FSIP2: variants seen among roughly 807,000 people sequenced by gnomAD.
FSIP2 encodes the protein fibrous sheath interacting protein 2.
A neutral mutation model predicts 510.5 loss-of-function variants in FSIP2; 367 were observed. The ratio of observed to expected loss-of-function variants is 0.72; its 90% CI spans 0.66 to 0.78. FSIP2 has a LOEUF of 0.78. Among genes scored for constraint, FSIP2 ranks in the 30% least tolerant of loss-of-function variants. FSIP2 has a pLI of 0.00. For synonymous variants in FSIP2, 2,601 were observed against 2,732.2 expected, an observed-to-expected ratio of 0.95 and a Z score of 1.50; for missense variants, 7,594 against 7,901.7, an observed-to-expected ratio of 0.96 and a Z score of 1.48.
rs1431534696 is a variant in FSIP2, at chr2:185,808,001, T to G, written c.18695T>G (p.Val6232Gly). The change falls in exon 17 of 23, where the codon GTA becomes GGA. Residue 6232 changes from valine to glycine, a missense_variant. Physicochemically the swap from Val to Gly is moderately radical, Grantham distance 109 (BLOSUM62 -3). Transcript: ENST00000424728. ...EFISKSKIKL[V>G]PPTKESPTVP... ...ATCTCCAAAAGTAAGATTAAACTTG[T>G]ACCACCCACCAAGGAATCACCTACT... 9.9e-6 allele frequency: 16 copies of G among 1,610,944 alleles called. No individual in the cohort carries two copies. The highest frequency in any genetic ancestry group is 1.4e-5 in the Non-Finnish European group (16 of 1,178,140).
chr2:185,806,796 A>G lies in FSIP2; in HGVS notation c.17490A>G (p.Lys5830=), dbSNP rs1396504347. The G allele has an allele frequency of 5.0e-6, 8 of 1,611,664 alleles. No individual in the cohort carries two copies. The highest frequency in any genetic ancestry group is 1.7e-5 in the Admixed American group (1 of 59,740). ...CCAAACTCTATGACACTGCTATGAA[A>G]CTCATCAATTCACTGTTAAAGGAGT... is the stretch of plus-strand genomic sequence containing the variant. ...NQAKLYDTAM[K]LINSLLKEFS... Residue 5830 remains lysine (K), a synonymous_variant, in exon 17 of 23, where the codon AAA becomes AAG. Transcript: ENST00000424728.
At chr2:185,762,289 G>C (rs4667053) in intron 11 of FSIP2, among the ~76,000 whole-genome samples, 146,817 of 151,264 alleles carry the variant, frequency 0.97, 71,326 homozygotes, top group Middle Eastern at 1. Context: ...CGCTGGCATA[G>C]TGGCTTCAGG....
intron 18 of FSIP2, 22 bp from the exon 19 acceptor site, chr2:185,815,349 T>C (rs1159304372): frequency 3.9e-6 from 4 of 1,029,270 alleles, no homozygotes; most frequent in Non-Finnish European, 6.0e-6. Flanking sequence ...TTTAGTGTAA[T>C]AGCTGATTTG....
intron 9 of FSIP2, among the ~76,000 whole-genome samples, chr2:185,757,240 T>C (rs1290411835): frequency 6.6e-6 from 1 of 151,476 alleles, no homozygotes; most frequent in Non-Finnish European, 1.5e-5. Context: ...AGGCTGATCT[T>C]ACTGTTGTCA....
At chr2:185,820,071 T>C (rs1693886609) in intron 19 of FSIP2, among the ~76,000 whole-genome samples, 1 of 151,944 alleles carries the variant, frequency 6.6e-6, no homozygotes, top group African/African-American at 2.4e-5. Flanking sequence ...ATGGTTTGGC[T>C]ATGTCCCCAC....
chr2:185,751,082 A>T (rs1015095861), intron 7 of FSIP2, among the ~76,000 whole-genome samples: 1 of 151,566 alleles, frequency 6.6e-6, no homozygotes, highest in Non-Finnish European at 1.5e-5. Context: ...GTATTTTATA[A>T]CTGTTCTCTA....
rs1693259928 is a variant in FSIP2, at chr2:185,795,884, T to G, written c.8748T>G (p.Phe2916Leu). 1.3e-6 allele frequency: 2 copies of G among 1,533,388 alleles called. No individual in the cohort carries two copies. Among genetic ancestry groups the G allele is most frequent in the East Asian group, 2.4e-5 (1 of 40,840 alleles). The allele number at this position is 1,533,388 out of a possible 1,614,324, so 95.0% of individuals were successfully genotyped here. A position where few individuals can be genotyped will look rare whatever the true frequency, so the allele number is the denominator to read the frequency against. The change falls in exon 16 of 23, where the codon TTT becomes TTG. Residue 2916 changes from phenylalanine (F) to leucine (L), a missense_variant. Physicochemically the swap from Phe to Leu is conservative, Grantham distance 22. Coordinates refer to ENST00000424728, the MANE Select transcript of FSIP2 (RefSeq NM_173651.4). ...AEDTKAQINMFGREIVEMLLE... is the reference protein window; with the variant it reads ...AEDTKAQINMLGREIVEMLLE... ...ATACTAAAGCACAAATTAATATGTT[T>G]GGAAGGGAAATTGTTGAAATGCTAC...
chr2:185,786,817 C>A (rs1016733347), intron 15 of FSIP2, among the ~76,000 whole-genome samples: 13 of 151,854 alleles, frequency 8.6e-5, no homozygotes, highest in African/African-American at 3.1e-4. Context: ...ATTTGAGGAA[C>A]AACACATGCT....
At chr2:185,737,240 A>G (rs1458456356), upstream of FSIP2, among the ~76,000 whole-genome samples, 1 of 152,208 alleles carries the variant, frequency 6.6e-6, no homozygotes, top group African/African-American at 2.4e-5. Flanking sequence ...ATTTGTGGTA[A>G]TTTAAGCCAC....
chr2:185,789,586 G>GTGA lies in FSIP2; in HGVS notation c.2452_2454dup (p.Asp818dup). 3 of 1,534,830 alleles carry GTGA rather than the reference G, an allele frequency of 2.0e-6. No homozygotes were observed. Among genetic ancestry groups the GTGA allele is most frequent in the Non-Finnish European group, 2.6e-6 (3 of 1,145,880 alleles). On this transcript the variant is annotated inframe_insertion, in exon 16 of 23. Transcript: ENST00000424728. ...ATGCCTCATACTTTGGACCCAATGT[G>GTGA]TGATATTGCAGAGGACATGGTGCAT...
intron 2 of FSIP2, among the ~76,000 whole-genome samples, chr2:185,739,916 C>T (rs1415298559): frequency 6.6e-6 from 1 of 151,064 alleles, no homozygotes; most frequent in Non-Finnish European, 1.5e-5. Context: ...CTATTTTACA[C>T]ATAAAGAAAA....
At position 185,808,933 on chromosome 2, in the gene FSIP2, G is replaced by T; in HGVS notation, c.19627G>T (p.Val6543Phe). 6.2e-7 allele frequency: 1 copy of T among 1,607,812 alleles called. No homozygotes were observed. Among genetic ancestry groups the T allele is most frequent in the Non-Finnish European group, 8.5e-7 (1 of 1,178,312 alleles). The part of the protein sequence containing the change: ...DPKIISEHLA[V>F]ISIKTQPLEK... Reference sequence around the variant, plus strand: ...AAAAATTATTTCAGAACACTTAGCAGTTATTTCTATAAAAACTCAACCTCT... The same window carrying T: ...AAAAATTATTTCAGAACACTTAGCATTTATTTCTATAAAAACTCAACCTCT... The change falls in exon 17 of 23, where the codon GTT becomes TTT. Residue 6543 changes from valine (V) to phenylalanine (F), a missense_variant. Physicochemically the swap from Val to Phe is conservative, Grantham distance 50. Coordinates refer to ENST00000424728, the MANE Select transcript of FSIP2 (RefSeq NM_173651.4).
At position 185,792,345 on chromosome 2, in the gene FSIP2, A is replaced by T; in HGVS notation, c.5209A>T (p.Ile1737Phe). Residue 1737 changes from isoleucine (I) to phenylalanine (F), a missense_variant, in exon 16 of 23, where the codon ATT becomes TTT. Coordinates refer to ENST00000424728, the MANE Select transcript of FSIP2 (RefSeq NM_173651.4). ...AGATGATGCATATACAGCGAAAAAA[A>T]TTATTGATGAGAGATCCCCACAAAG... ...LEDDAYTAKK[I>F]IDERSPQREE... The T allele has an allele frequency of 1.3e-6, 2 of 1,528,890 alleles. No individual in the cohort carries two copies. The highest frequency in any genetic ancestry group is 1.7e-4 in the Middle Eastern group (1 of 5,920). The allele number at this position is 1,528,890 out of a possible 1,614,324, so 94.7% of individuals were successfully genotyped here. A position where few individuals can be genotyped will look rare whatever the true frequency, so the allele number is the denominator to read the frequency against.
rs1559032628 is a variant in FSIP2 at position 185,801,795 on chromosome 2, T to C, written c.12489T>C (p.Ser4163=). Residue 4163 remains serine, a synonymous_variant, in exon 17 of 23, where the codon TCT becomes TCC. Transcript: ENST00000424728. ...TTCCTCCACCCATTACATGTTCCTC[T>C]TTAGGAAAAAAATATTTAATGAGTT... ...QLIPPPITCS[S]LGKKYLMSSD... is the part of the protein sequence containing the mutation. 1 of 1,496,214 alleles carries C rather than the reference T, an allele frequency of 6.7e-7. No individual in the cohort carries two copies. The highest frequency in any genetic ancestry group is 2.5e-5 in the East Asian group (1 of 40,694). The allele number at this position is 1,496,214 out of a possible 1,614,324, so 92.7% of individuals were successfully genotyped here.
Position 185,791,868 on chromosome 2 carries a change from C to G in FSIP2, c.4732C>G (p.Leu1578Val). 6.5e-7 allele frequency: 1 copy of G among 1,533,888 alleles called. No individual in the cohort carries two copies. Residue 1578 changes from leucine to valine, a missense_variant, in exon 16 of 23, where the codon CTA becomes GTA. By Grantham distance (32) the Leu-to-Val change is conservative. Coordinates refer to ENST00000424728, the MANE Select transcript of FSIP2 (RefSeq NM_173651.4). ...PSTKEMHPNK[L>V]KAVASDILNM... ...CACAAAAGAAATGCATCCAAATAAA[C>G]TAAAAGCTGTAGCTTCAGATATTCT... is the stretch of plus-strand genomic sequence containing the variant.
Position 185,794,513 on chromosome 2 carries a change from A to C in FSIP2, c.7377A>C (p.Lys2459Asn). 1 of 1,525,790 alleles carries C rather than the reference A, an allele frequency of 6.6e-7. No individual in the cohort carries two copies. Among genetic ancestry groups the C allele is most frequent in the Non-Finnish European group, 8.7e-7 (1 of 1,143,398 alleles). The allele number at this position is 1,525,790 out of a possible 1,614,324, so 94.5% of individuals were successfully genotyped here. The change falls in exon 16 of 23, where the codon AAA becomes AAC. Residue 2459 changes from lysine (K) to asparagine (N), a missense_variant. Transcript: ENST00000424728. ...LEQNQMILEN[K>N]RQIIVLEEIF... Reference sequence around the variant, plus strand: ...AAAACCAAATGATATTGGAAAACAAAAGGCAGATAATTGTTTTGGAAGAAA... The same window carrying C: ...AAAACCAAATGATATTGGAAAACAACAGGCAGATAATTGTTTTGGAAGAAA...
Position 185,800,413 on chromosome 2 carries a change from G to T in FSIP2, c.11107G>T (p.Val3703Phe). ...AGTAGTCAATAAAGTTTTTAATATT[G>T]TTTCAGATTTATTTTCACCAGATGA... ...KEVVNKVFNI[V>F]SDLFSPDECL... Residue 3703 changes from valine to phenylalanine, a missense_variant, in exon 17 of 23, where the codon GTT (valine) becomes TTT (phenylalanine). Physicochemically the swap from Val to Phe is conservative, Grantham distance 50. Coordinates refer to ENST00000424728, the MANE Select transcript of FSIP2 (RefSeq NM_173651.4). 1 of 1,527,108 alleles carries T rather than the reference G, an allele frequency of 6.5e-7. No individual in the cohort carries two copies. The highest frequency in any genetic ancestry group is 1.2e-5 in the South Asian group (1 of 82,288). The allele number at this position is 1,527,108 out of a possible 1,614,324, so 94.6% of individuals were successfully genotyped here. A position where few individuals can be genotyped will look rare whatever the true frequency, so the allele number is the denominator to read the frequency against.
At chr2:185,776,572 TTTTAA>T (rs1415664887) in intron 13 of FSIP2, among the ~76,000 whole-genome samples, 1 of 152,198 alleles carries the variant, frequency 6.6e-6, no homozygotes, top group Non-Finnish European at 1.5e-5. Context: ...TATTATTCAT[TTTTAA>T]TTTATTTGAA....
intron 12 of FSIP2, among the ~76,000 whole-genome samples, chr2:185,763,490 C>G (rs576530678): frequency 6.6e-6 from 1 of 151,530 alleles, no homozygotes; most frequent in Non-Finnish European, 1.5e-5. Flanking sequence ...GTTCATGGTA[C>G]GTATCTACAA....
Sources: gnomAD v4.1 joint callset for allele counts (sites outside exome capture counted in the v4.1 genomes callset) on GRCh38, gnomAD v4.1.1 for gene constraint, MANE v1.5 for transcripts, NCBI Gene and HGNC (gene_info 2026-07-23, HGNC 2026-07-21) for gene names.